POT1: variants seen among roughly 807,000 people sequenced by gnomAD.
POT1 encodes protection of telomeres protein 1.
In POT1, 47 loss-of-function variants were observed where a neutral mutation model predicts 78.5. The ratio of observed to expected loss-of-function variants is 0.60; its 90% confidence interval spans 0.47 to 0.76. The LOEUF is 0.76. Among genes scored for constraint, POT1 ranks in the 30% least tolerant of loss-of-function variants. POT1 has a pLI of 0.00. For synonymous variants in POT1, 259 were observed against 260.7 expected, an observed-to-expected ratio of 0.99 and a Z score of 0.06; for missense variants, 646 against 749.9, an observed-to-expected ratio of 0.86 and a Z score of 1.62.
chr7:124,925,945 C>T (rs960506532), intron 2 of POT1, among the ~76,000 whole-genome samples: 5 of 151,818 alleles, frequency 3.3e-5, no homozygotes, highest in Admixed American at 2.0e-4. Flanking sequence ...TCACCATACA[C>T]GAAAATAAAC....
At chr7:124,866,969 T>C (rs750486470) in intron 7 of POT1, among the ~76,000 whole-genome samples, 1 of 152,196 alleles carries the variant, frequency 6.6e-6, no homozygotes, top group Non-Finnish European at 1.5e-5. Flanking sequence ...TATACTCCAA[T>C]GTCTGATTGA....
At chr7:124,882,315 G>GT (rs1796138429) in intron 6 of POT1, among the ~76,000 whole-genome samples, 1 of 151,930 alleles carries the variant, frequency 6.6e-6, no homozygotes, top group African/African-American at 2.4e-5. Context: ...AAACATTCAA[G>GT]TAATACCTAT....
At chr7:124,876,994 G>C (rs1195726202) in intron 6 of POT1, among the ~76,000 whole-genome samples, 2 of 152,142 alleles carry the variant, frequency 1.3e-5, no homozygotes, top group African/African-American at 4.8e-5. Flanking sequence ...AATAGAGGAA[G>C]AACATTTACT....
intron 4 of POT1, 23 bp from the exon 5 acceptor site, chr7:124,897,235 T>C: frequency 1.7e-6 from 2 of 1,170,520 alleles, no homozygotes; most frequent in Non-Finnish European, 2.5e-6. Flanking sequence ...AAGAAAGAAC[T>C]TATTTGTATA....
chr7:124,846,162 G>GACACACTGACACACACAC (rs1554421658), intron 12 of POT1, among the ~76,000 whole-genome samples: 3 of 148,718 alleles, frequency 2.0e-5, no homozygotes, highest in African/African-American at 7.5e-5. Flanking sequence ...CATTCATACT[G>GACACACTGACACACACAC]ACACACACAC....
In POT1 at chr7:124,823,821, A is replaced by G; in HGVS notation, c.*141T>C. On this transcript the variant is annotated 3_prime_UTR_variant, in exon 19 of 19. Coordinates refer to ENST00000357628, the MANE Select transcript of POT1 (RefSeq NM_015450.3). The stretch of plus-strand genomic sequence containing the variant: ...CCTTGCACCCAGTAAAAGCCAAGAG[A>G]TTTAAGGTAAGGACATTTTCTAATC... The G allele has an allele frequency of 1.6e-6, 1 of 629,656 alleles. No homozygotes were observed. Among genetic ancestry groups the G allele is most frequent in the Non-Finnish European group, 2.8e-6 (1 of 354,478 alleles). 39.0% of individuals were successfully genotyped at this position (629,656 alleles called of 1,614,324 possible).
intron 6 of POT1, among the ~76,000 whole-genome samples, chr7:124,880,075 T>C (rs1179568048): frequency 6.6e-6 from 1 of 152,096 alleles, no homozygotes; most frequent in Non-Finnish European, 1.5e-5. Context: ...CTGTGAATAA[T>C]GCCTGTATAG....
chr7:124,905,981 G>C (rs1796756128), intron 3 of POT1, among the ~76,000 whole-genome samples: 1 of 152,122 alleles, frequency 6.6e-6, no homozygotes, highest in Non-Finnish European at 1.5e-5. Context: ...TAAAAAGCCA[G>C]GAAACAACAG....
chr7:124,862,967 A>G (rs1341490172), intron 8 of POT1, among the ~76,000 whole-genome samples: 2 of 152,156 alleles, frequency 1.3e-5, no homozygotes, highest in Admixed American at 6.6e-5. Flanking sequence ...ACCCAACATC[A>G]ACGGGACAAA....
At chr7:124,892,767 A>C (rs896525134) in intron 5 of POT1, 1 of 152,016 alleles carries the variant, frequency 6.6e-6, no homozygotes, top group Non-Finnish European at 1.5e-5. Context: ...AAAATTTTTG[A>C]CTTATGATGG....
chr7:124,891,477 A>C (rs141003297), intron 6 of POT1, among the ~76,000 whole-genome samples: 1,754 of 151,430 alleles, frequency 0.012, 21 homozygotes, highest in South Asian at 0.035. Context: ...CAGCTACTCT[A>C]TGATTTTTTA....
chr7:124,855,219 A>C (rs35632253), intron 9 of POT1, among the ~76,000 whole-genome samples: 1 of 28,406 alleles, frequency 3.5e-5, no homozygotes, highest in African/African-American at 1.7e-4. Context: ...AGAGGAGAGC[A>C]AAAAAAAAAA....
intron 6 of POT1, among the ~76,000 whole-genome samples, chr7:124,882,865 C>T (rs115109180): frequency 0.017 from 2,592 of 151,974 alleles, 70 homozygotes; most frequent in African/African-American, 0.059. Context: ...GAAGTCTCAT[C>T]AAAAAAGTCA....
intron 9 of POT1, among the ~76,000 whole-genome samples, chr7:124,855,590 A>C (rs1349943742): frequency 6.6e-6 from 1 of 151,890 alleles, no homozygotes; most frequent in Non-Finnish European, 1.5e-5. Flanking sequence ...CCAAAAATAC[A>C]AATGAAACAT....
intron 3 of POT1, among the ~76,000 whole-genome samples, chr7:124,911,621 T>C (rs949842293): frequency 1.3e-5 from 2 of 152,160 alleles, no homozygotes; most frequent in Non-Finnish European, 2.9e-5. Flanking sequence ...AGTAACAGCA[T>C]TGCAGATGGA....
chr7:124,824,584 T>C (rs1562972090), intron 18 of POT1, among the ~76,000 whole-genome samples: 3 of 152,058 alleles, frequency 2.0e-5, no homozygotes, highest in African/African-American at 7.2e-5. Flanking sequence ...TGATTAAAAA[T>C]AGTATATAAA....
At chr7:124,844,427 C>T (rs935413509) in intron 12 of POT1, among the ~76,000 whole-genome samples, 11 of 148,032 alleles carry the variant, frequency 7.4e-5, no homozygotes, top group African/African-American at 2.5e-4. Context: ...CTGCACCCAG[C>T]TGGTGATGCT....
intron 2 of POT1, among the ~76,000 whole-genome samples, chr7:124,926,502 C>A (rs1329321448): frequency 6.6e-6 from 1 of 152,044 alleles, no homozygotes; most frequent in Non-Finnish European, 1.5e-5. Context: ...ATTAGTACAA[C>A]CTCTATGGAA....
chr7:124,849,976 A>G (rs1180979158), intron 11 of POT1, among the ~76,000 whole-genome samples: 1 of 152,156 alleles, frequency 6.6e-6, no homozygotes, highest in Non-Finnish European at 1.5e-5. Context: ...ATCTTACCTC[A>G]GGGAGTAGGG....
Sources: gnomAD v4.1 joint callset for allele counts (sites outside exome capture counted in the v4.1 genomes callset) on GRCh38, gnomAD v4.1.1 for gene constraint, MANE v1.5 for transcripts, NCBI Gene and HGNC (gene_info 2026-07-23, HGNC 2026-07-21) for gene names.